KLHL8: variants seen among roughly 807,000 people sequenced by gnomAD.
KLHL8 encodes kelch-like protein 8.
In KLHL8, 38 loss-of-function variants were observed where a neutral mutation model predicts 63.5. The observed-to-expected ratio is 0.60, with a 90% CI of 0.46 to 0.78. The LOEUF is 0.78. Among genes scored for constraint, KLHL8 ranks in the 30% least tolerant of loss-of-function variants. The probability of loss-of-function intolerance (pLI) is 0.00; values close to 1 mark genes in which losing one functional copy is unlikely to be tolerated. For synonymous variants in KLHL8, 224 were observed against 254.3 expected (o/e 0.88, Z 1.13); for missense variants, 566 against 752.4 (o/e 0.75, Z 2.90).
intron 1 of KLHL8, among the ~76,000 whole-genome samples, chr4:87,226,519 G>A (rs537235690): frequency 7.7e-5 from 11 of 142,432 alleles, no homozygotes; most frequent in South Asian, 2.1e-4. Context: ...CTGAGATCGC[G>A]CCACTGCATT....
chr4:87,180,254 G>C (rs1304441932), intron 4 of KLHL8, among the ~76,000 whole-genome samples: 2 of 152,150 alleles, frequency 1.3e-5, no homozygotes, highest in Admixed American at 1.3e-4. Flanking sequence ...CAGAGTCTAA[G>C]GTAGGTTAAG....
chr4:87,213,722 G>C (rs1732491389), intron 1 of KLHL8, among the ~76,000 whole-genome samples: 1 of 152,204 alleles, frequency 6.6e-6, no homozygotes, highest in Admixed American at 6.5e-5. Flanking sequence ...GCTTGGTTTA[G>C]CCTACAGGCA....
At chr4:87,227,065 A>C (rs184000793) in intron 1 of KLHL8, among the ~76,000 whole-genome samples, 44 of 133,972 alleles carry the variant, frequency 3.3e-4, no homozygotes, top group African/African-American at 1.2e-3. Context: ...TTCTCATAAT[A>C]GAGTCAATCT....
upstream of KLHL8, among the ~76,000 whole-genome samples, chr4:87,224,743 G>A (rs998471464): frequency 1.3e-5 from 2 of 152,056 alleles, no homozygotes; most frequent in Non-Finnish European, 2.9e-5. Flanking sequence ...ACATGTGGAT[G>A]GCTATGTTTT....
In KLHL8 at chr4:87,185,128, T is replaced by C. The variant is rs573249832; in HGVS notation, c.765+123A>G. ...TTAGAGAGCTAAAAGCCATTTCTAT[T>C]ATTTATTACATCAATAATTTCTATA... On this transcript the variant is annotated intron_variant, in intron 3 of 9. Transcript: ENST00000273963. 3.1e-6 allele frequency: 3 copies of C among 958,964 alleles called. No individual in the cohort carries two copies. In the African/African-American group the frequency reaches 5.0e-5, roughly 16 times the overall value. The allele number at this position is 958,964 out of a possible 1,614,324, so 59.4% of individuals were successfully genotyped here. A position where few individuals can be genotyped will look rare whatever the true frequency, so the allele number is the denominator to read the frequency against.
At chr4:87,203,988 T>G (rs1028652069) in intron 1 of KLHL8, among the ~76,000 whole-genome samples, 2 of 152,110 alleles carry the variant, frequency 1.3e-5, no homozygotes, top group Admixed American at 1.3e-4. Context: ...CTTAAGACAC[T>G]TCACCAGTGA....
Position 87,182,224 on chromosome 4 carries a change from G to A in KLHL8, c.952+979C>T, listed in dbSNP as rs189859078. 6.3e-3 allele frequency among the ~76,000 whole-genome samples: 590 copies of A among 94,114 alleles called. 7 individuals carry two copies. Among genetic ancestry groups the A allele is most frequent in the African/African-American group, 0.023 (539 of 23,836 alleles). 61.7% of individuals were successfully genotyped at this position (94,114 alleles called of 152,430 possible). Reference sequence around the variant, plus strand: ...CTCCAACCTGGGCGACAGAGACTCCGTCTCAAAAAAAAAAAAAAAAAAAAA... The same window carrying A: ...CTCCAACCTGGGCGACAGAGACTCCATCTCAAAAAAAAAAAAAAAAAAAAA... On this transcript the variant is annotated intron_variant, in intron 4 of 9. Coordinates refer to ENST00000273963, the MANE Select transcript of KLHL8 (RefSeq NM_020803.5).
intron 1 of KLHL8, among the ~76,000 whole-genome samples, chr4:87,230,968 T>G (rs147291786): frequency 6.6e-6 from 1 of 152,348 alleles, no homozygotes; most frequent in African/African-American, 2.4e-5. Context: ...ACAAGTGGAA[T>G]GTGGACTTCC....
chr4:87,167,573 TAAG>T (rs1166237121), intron 8 of KLHL8: 24 of 527,220 alleles, frequency 4.6e-5, no homozygotes, highest in East Asian at 2.0e-4. Flanking sequence ...GCTGTTATGC[TAAG>T]AAGAAGGGCA....
At chr4:87,205,656 G>T (rs542641719) in intron 1 of KLHL8, among the ~76,000 whole-genome samples, 1 of 152,164 alleles carries the variant, frequency 6.6e-6, no homozygotes, top group Non-Finnish European at 1.5e-5. Flanking sequence ...TAGAGATGGG[G>T]TTTTGCCATG....
At chr4:87,237,776 A>C in intron 1 of KLHL8, among the ~76,000 whole-genome samples, 1 of 152,136 alleles carries the variant, frequency 6.6e-6, no homozygotes, top group East Asian at 1.9e-4. Context: ...GCAGTGGCAC[A>C]ATCTTGGCTC....
At chr4:87,198,790 A>G (rs1444624130) in intron 1 of KLHL8, among the ~76,000 whole-genome samples, 2 of 152,202 alleles carry the variant, frequency 1.3e-5, no homozygotes, top group African/African-American at 4.8e-5. Flanking sequence ...CACACAAATG[A>G]ATGCATGTAA....
At chr4:87,170,794 G>C (rs1314931174) in intron 6 of KLHL8, among the ~76,000 whole-genome samples, 179 bp from the exon 7 acceptor site, 1 of 152,152 alleles carries the variant, frequency 6.6e-6, no homozygotes, top group African/African-American at 2.4e-5. Context: ...TTGCCAAACT[G>C]TGCAACTCTA....
intron 6 of KLHL8, among the ~76,000 whole-genome samples, chr4:87,174,883 C>T (rs971561944): frequency 6.6e-6 from 1 of 152,180 alleles, no homozygotes; most frequent in African/African-American, 2.4e-5. Flanking sequence ...TGCTACTATA[C>T]TGAATCATAA....
chr4:87,237,645 A>G (rs1733255425), intron 1 of KLHL8, among the ~76,000 whole-genome samples: 1 of 152,098 alleles, frequency 6.6e-6, no homozygotes, highest in Non-Finnish European at 1.5e-5. Context: ...TTGGCAACAT[A>G]GTGAAACTCT....
At chr4:87,171,509 T>C (rs1730635412) in intron 6 of KLHL8, among the ~76,000 whole-genome samples, 1 of 152,196 alleles carries the variant, frequency 6.6e-6, no homozygotes, top group Non-Finnish European at 1.5e-5. Flanking sequence ...CCTCAACCTC[T>C]TTTCTCTTGG....
chr4:87,183,163 A>T, intron 4 of KLHL8, 40 bp downstream of exon 4: 1 of 1,476,170 alleles, frequency 6.8e-7, no homozygotes, highest in South Asian at 1.3e-5. Context: ...CAAATACAAC[A>T]AAGATCCTTC....
At chr4:87,198,558 A>G (rs370614340) in intron 1 of KLHL8, among the ~76,000 whole-genome samples, 12 of 152,346 alleles carry the variant, frequency 7.9e-5, no homozygotes, top group African/African-American at 2.9e-4. Context: ...CAATAAAAAA[A>G]GCCATGCAGT....
upstream of KLHL8, among the ~76,000 whole-genome samples, chr4:87,224,106 G>A (rs1360610910): frequency 6.6e-6 from 1 of 151,822 alleles, no homozygotes; most frequent in Non-Finnish European, 1.5e-5. Flanking sequence ...TTGTTACCCA[G>A]GCTGGAGTGC....
Sources: gnomAD v4.1 joint callset for allele counts (sites outside exome capture counted in the v4.1 genomes callset) on GRCh38, gnomAD v4.1.1 for gene constraint, MANE v1.5 for transcripts, NCBI Gene and HGNC (gene_info 2026-07-23, HGNC 2026-07-21) for gene names.